The following PLPPR1 variants were observed in gnomAD, a reference collection of about 807,000 sequenced individuals.
The protein encoded by PLPPR1 is phospholipid phosphatase related 1.
A neutral mutation model predicts 33.1 loss-of-function variants in PLPPR1; 10 were observed. The ratio of observed to expected loss-of-function variants is 0.30; its 90% CI spans 0.19 to 0.51. PLPPR1 has a LOEUF of 0.51. Ranked by LOEUF, PLPPR1 falls within the 20% of genes least tolerant of loss-of-function variation. The probability of loss-of-function intolerance (pLI) is 0.97; values close to 1 mark genes in which losing one functional copy is unlikely to be tolerated. For synonymous variants in PLPPR1, 151 were observed against 151.0 expected (o/e 1.00, Z 0.00); for missense variants, 304 against 408.1 (o/e 0.74, Z 2.20).
At chr9:101,291,829 C>T (rs1828515389) in intron 4 of PLPPR1, among the ~76,000 whole-genome samples, 1 of 152,078 alleles carries the variant, frequency 6.6e-6, no homozygotes, top group African/African-American at 2.4e-5. Flanking sequence ...GATAAAACGA[C>T]AAAGATGGGG....
chr9:101,231,288 A>AT (rs1827179693), intron 2 of PLPPR1, among the ~76,000 whole-genome samples: 1 of 151,884 alleles, frequency 6.6e-6, no homozygotes, highest in Non-Finnish European at 1.5e-5. Context: ...TTAAAAAAAA[A>AT]ACAAAAAAAC....
At chr9:101,079,752 G>C (rs551498200) in intron 1 of PLPPR1, among the ~76,000 whole-genome samples, 2 of 152,110 alleles carry the variant, frequency 1.3e-5, no homozygotes, top group South Asian at 4.2e-4. Flanking sequence ...GCTAATTTTT[G>C]TATTTTTAGT....
chr9:101,320,706 C>T (rs1829136416), intron 7 of PLPPR1, among the ~76,000 whole-genome samples: 1 of 152,098 alleles, frequency 6.6e-6, no homozygotes, highest in South Asian at 2.1e-4. Context: ...GAAAGATAAA[C>T]CCTTTATTTG....
chr9:101,274,820 C>T, intron 3 of PLPPR1, among the ~76,000 whole-genome samples: 1 of 152,116 alleles, frequency 6.6e-6, no homozygotes, highest in East Asian at 1.9e-4. Context: ...CACAGCTTTG[C>T]CCCCAGTAAC....
intron 1 of PLPPR1, among the ~76,000 whole-genome samples, chr9:101,137,729 T>C (rs1168694876): frequency 6.6e-6 from 1 of 152,224 alleles, no homozygotes; most frequent in Non-Finnish European, 1.5e-5. Flanking sequence ...AACTAGAGGC[T>C]AAAATGTAAT....
intron 1 of PLPPR1, among the ~76,000 whole-genome samples, chr9:101,142,853 G>C (rs566024786): frequency 6.6e-6 from 1 of 152,244 alleles, no homozygotes; most frequent in East Asian, 1.9e-4. Flanking sequence ...ACTGAGATCA[G>C]ATTGTGATAA....
chr9:101,299,567 A>G (rs1828710022), intron 4 of PLPPR1, among the ~76,000 whole-genome samples: 1 of 152,106 alleles, frequency 6.6e-6, no homozygotes, highest in Non-Finnish European at 1.5e-5. Context: ...AGAACTCCCT[A>G]GATTACCCTA....
rs142948471 is a variant in PLPPR1 at position 101,141,456 on chromosome 9, T to A, written c.-45-43994T>A. Among the ~76,000 whole-genome samples the A allele has an allele frequency of 6.2e-4, 95 of 152,276 alleles. 1 individual carries two copies. The highest frequency in any genetic ancestry group is 2.1e-3 in the African/African-American group (87 of 41,564). ...GGAGGATTAGAGAGATTAAGTACTT[T>A]GCCAAAAACCACACTGCAAATGGCA... On this transcript the variant is annotated intron_variant, in intron 1 of 7. Coordinates refer to ENST00000374874, the MANE Select transcript of PLPPR1 (RefSeq NM_207299.2).
rs529348339 is a variant in PLPPR1 at position 101,241,440 on chromosome 9, A to T, written c.64-28440A>T. Among the ~76,000 whole-genome samples, 18 of 152,234 alleles carry T rather than the reference A, an allele frequency of 1.2e-4. 1 individual carries two copies. The highest frequency in any genetic ancestry group is 1.2e-3 in the Admixed American group (18 of 15,288). ...GCTGATGAGCTTTGAAAAAAATCACAACAAAATCTCATGTTTTAAGAAAAT... is the reference window on the plus strand; with the variant it reads ...GCTGATGAGCTTTGAAAAAAATCACTACAAAATCTCATGTTTTAAGAAAAT... On this transcript the variant is annotated intron_variant, in intron 2 of 7. Coordinates refer to ENST00000374874, the MANE Select transcript of PLPPR1 (RefSeq NM_207299.2).
intron 3 of PLPPR1, among the ~76,000 whole-genome samples, chr9:101,276,667 T>G (rs1403202104): frequency 1.3e-5 from 2 of 152,252 alleles, no homozygotes; most frequent in Non-Finnish European, 2.9e-5. Flanking sequence ...TTGTATTCAC[T>G]GTTCAGATAA....
At chr9:101,180,137 T>C (rs1423842954) in intron 1 of PLPPR1, among the ~76,000 whole-genome samples, 10 of 41,322 alleles carry the variant, frequency 2.4e-4, no homozygotes, top group Admixed American at 1.0e-3. Flanking sequence ...TATATATATA[T>C]ATATATACAC....
chr9:101,161,759 C>T (rs1437967926), intron 1 of PLPPR1, among the ~76,000 whole-genome samples: 2 of 151,964 alleles, frequency 1.3e-5, no homozygotes, highest in Non-Finnish European at 2.9e-5. Flanking sequence ...AAAGTATTAC[C>T]TTTTTCAAAC....
At chr9:101,302,463 G>C (rs1426209373) in intron 4 of PLPPR1, among the ~76,000 whole-genome samples, 4 of 152,144 alleles carry the variant, frequency 2.6e-5, no homozygotes, top group African/African-American at 4.8e-5. Flanking sequence ...CTGAAGGAAT[G>C]GTCTTCAATA....
chr9:101,292,983 T>C (rs1183869176), intron 4 of PLPPR1, among the ~76,000 whole-genome samples: 1 of 152,034 alleles, frequency 6.6e-6, no homozygotes, highest in Non-Finnish European at 1.5e-5. Flanking sequence ...ATGGACTAAA[T>C]GCTCCAATTA....
At chr9:101,298,290 C>G (rs951217630) in intron 4 of PLPPR1, among the ~76,000 whole-genome samples, 1 of 152,068 alleles carries the variant, frequency 6.6e-6, no homozygotes, top group East Asian at 1.9e-4. Flanking sequence ...AAATACCAGC[C>G]AAGTCTTCTG....
intron 4 of PLPPR1, among the ~76,000 whole-genome samples, chr9:101,290,473 G>A (rs185703395): frequency 5.9e-5 from 9 of 152,250 alleles, no homozygotes; most frequent in Admixed American, 3.3e-4. Context: ...ATGAAAAAAC[G>A]TGAGATTCTA....
chr9:101,122,327 C>T (rs1831188932), intron 1 of PLPPR1, among the ~76,000 whole-genome samples: 1 of 152,164 alleles, frequency 6.6e-6, no homozygotes, highest in Admixed American at 6.5e-5. Context: ...CAAATACTGA[C>T]TGTCTACAAT....
At chr9:101,047,753 G>A (rs1320097462) in intron 1 of PLPPR1, among the ~76,000 whole-genome samples, 1 of 152,106 alleles carries the variant, frequency 6.6e-6, no homozygotes, top group Non-Finnish European at 1.5e-5. Context: ...AATTTATAAT[G>A]CTCAAATGTC....
At chr9:101,272,673 G>T (rs1329077) in intron 3 of PLPPR1, among the ~76,000 whole-genome samples, 30 of 152,116 alleles carry the variant, frequency 2.0e-4, no homozygotes, top group South Asian at 1.9e-3. Context: ...TCAATAGACT[G>T]TGTGCATATA....
Sources: gnomAD v4.1 joint callset for allele counts (sites outside exome capture counted in the v4.1 genomes callset) on GRCh38, gnomAD v4.1.1 for gene constraint, MANE v1.5 for transcripts, NCBI Gene and HGNC (gene_info 2026-07-23, HGNC 2026-07-21) for gene names.